ZFYVE9: variants seen among roughly 807,000 people sequenced by gnomAD.
The protein encoded by ZFYVE9 is zinc finger FYVE domain-containing protein 9.
In ZFYVE9, 43 loss-of-function variants were observed where a neutral mutation model predicts 126.7. The observed-to-expected ratio is 0.34, with a 90% confidence interval of 0.27 to 0.44. ZFYVE9 has a LOEUF of 0.44. Ranked by LOEUF, ZFYVE9 falls within the 20% of genes least tolerant of loss-of-function variation. ZFYVE9 has a pLI of 1.00. For missense variants in ZFYVE9, 1,476 were observed against 1,697.0 expected (o/e 0.87, Z 2.29); for synonymous variants, 521 against 597.4 (o/e 0.87, Z 1.87).
intron 6 of ZFYVE9, 30 bp downstream of exon 6, chr1:52,266,861 T>G (rs1201825496): frequency 6.6e-7 from 1 of 1,522,792 alleles, no homozygotes; most frequent in Non-Finnish European, 8.8e-7. Context: ...TCTCTCTCTT[T>G]TTCCTCACGA....
At chr1:52,153,301 A>G (rs555032702) in intron 1 of ZFYVE9, among the ~76,000 whole-genome samples, 2 of 152,354 alleles carry the variant, frequency 1.3e-5, no homozygotes, top group South Asian at 4.1e-4. Context: ...AAATGTAGAA[A>G]GAGATTAGTG....
At chr1:52,255,950 TTTCTTTTC>T (rs1645508528) in intron 4 of ZFYVE9, among the ~76,000 whole-genome samples, 1 of 118,070 alleles carries the variant, frequency 8.5e-6, no homozygotes, top group Non-Finnish European at 1.6e-5. Flanking sequence ...TTTCTTTTCT[TTTCTTTTC>T]TTTTCTTTTC....
intron 1 of ZFYVE9, among the ~76,000 whole-genome samples, chr1:52,146,027 CCACA>C (rs1168051378): frequency 6.2e-5 from 9 of 146,176 alleles, no homozygotes; most frequent in South Asian, 2.2e-4. Flanking sequence ...TCAAAAATAT[CCACA>C]CACACACACA....
intron 14 of ZFYVE9, among the ~76,000 whole-genome samples, chr1:52,333,157 G>T (rs1386167021): frequency 2.6e-5 from 4 of 152,022 alleles, no homozygotes; most frequent in Non-Finnish European, 5.9e-5. Flanking sequence ...AGGAGGGAGG[G>T]ATAGCATTAG....
chr1:52,256,009 CTTCT>C (rs1478140787), intron 4 of ZFYVE9, among the ~76,000 whole-genome samples: 1 of 125,028 alleles, frequency 8.0e-6, no homozygotes, highest in African/African-American at 3.1e-5. Context: ...TCCTTCCTTC[CTTCT>C]TTCCTTTCTT....
chr1:52,181,845 T>G (rs519299), intron 1 of ZFYVE9, among the ~76,000 whole-genome samples: 145,878 of 151,006 alleles, frequency 0.97, 70,475 homozygotes, highest in East Asian at 1. Flanking sequence ...CCCTCCGCCC[T>G]GCAGCCGCCC....
At chr1:52,234,123 A>G (rs1392436948) in intron 3 of ZFYVE9, among the ~76,000 whole-genome samples, 1 of 152,158 alleles carries the variant, frequency 6.6e-6, no homozygotes, top group Non-Finnish European at 1.5e-5. Flanking sequence ...CTAAATTTCC[A>G]TCTTGGTTTA....
At chr1:52,206,988 T>A (rs1257146835) in intron 1 of ZFYVE9, among the ~76,000 whole-genome samples, 2 of 152,268 alleles carry the variant, frequency 1.3e-5, no homozygotes, top group Non-Finnish European at 2.9e-5. Flanking sequence ...TATGTAGGCA[T>A]GTATTTATAT....
chr1:52,242,564 G>A (rs1208898565), intron 4 of ZFYVE9, among the ~76,000 whole-genome samples: 1 of 151,326 alleles, frequency 6.6e-6, no homozygotes, highest in African/African-American at 2.4e-5. Context: ...TAAATCCAGT[G>A]CCTTCAATCT....
chr1:52,206,964 G>T (rs1644984278), intron 1 of ZFYVE9, among the ~76,000 whole-genome samples: 1 of 152,206 alleles, frequency 6.6e-6, no homozygotes, highest in Admixed American at 6.5e-5. Flanking sequence ...CACACAGAGA[G>T]AATTATATAT....
Position 52,344,952 on chromosome 1 carries a change from G to A in ZFYVE9, c.4116+8G>A, listed in dbSNP as rs185963645. 3.7e-6 allele frequency: 6 copies of A among 1,613,270 alleles called. No homozygotes were observed. In the African/African-American group the frequency reaches 5.3e-5, roughly 14 times the overall value. On this transcript the variant is annotated splice_region_variant and intron_variant, in intron 18 of 18. Transcript: ENST00000287727. ...ACACTTGACTCAGATCAGGTATGATGTGTCTTCCGCAGCTTTTAAAGCTGG... is the reference window on the plus strand; with the variant it reads ...ACACTTGACTCAGATCAGGTATGATATGTCTTCCGCAGCTTTTAAAGCTGG...
chr1:52,299,861 G>C (rs564465158), intron 12 of ZFYVE9, among the ~76,000 whole-genome samples: 1 of 152,360 alleles, frequency 6.6e-6, no homozygotes, highest in Non-Finnish European at 1.5e-5. Context: ...GACTGGGAAT[G>C]AGGGCTGTAT....
chr1:52,316,088 C>A (rs931663448), intron 13 of ZFYVE9, among the ~76,000 whole-genome samples: 1 of 130,486 alleles, frequency 7.7e-6, no homozygotes, highest in African/African-American at 2.8e-5. Context: ...TCACCTGAAC[C>A]CAGAAGGCAG....
At chr1:52,221,216 T>C (rs770502564) in intron 2 of ZFYVE9, among the ~76,000 whole-genome samples, 3 of 152,194 alleles carry the variant, frequency 2.0e-5, no homozygotes, top group Non-Finnish European at 4.4e-5. Context: ...TCTGTGAGGA[T>C]TTCCCCATCA....
intron 2 of ZFYVE9, among the ~76,000 whole-genome samples, chr1:52,227,628 A>G (rs2124613682): frequency 6.6e-6 from 1 of 152,382 alleles, no homozygotes; most frequent in African/African-American, 2.4e-5. Context: ...AAACACTGTT[A>G]AAACTCATAG....
rs1195281950 is a variant in ZFYVE9, at chr1:52,238,547, A to T, written c.1130A>T (p.His377Leu). The part of the protein sequence containing the change: ...VRADENEGYE[H>L]EETLGTTEFL... ...GCTGATGAAAATGAAGGTTATGAACATGAAGAAACTCTTGGCACTACAGAA... is the reference window on the plus strand; with the variant it reads ...GCTGATGAAAATGAAGGTTATGAACTTGAAGAAACTCTTGGCACTACAGAA... Residue 377 changes from histidine (H) to leucine (L), a missense_variant, in exon 4 of 19, where the codon CAT (histidine) becomes CTT (leucine). His to Leu is a moderately conservative substitution (Grantham distance 99). Coordinates refer to ENST00000287727, the MANE Select transcript of ZFYVE9 (RefSeq NM_004799.4). The T allele has an allele frequency of 8.1e-6, 13 of 1,614,120 alleles. No homozygotes were observed. Among genetic ancestry groups the T allele is most frequent in the Non-Finnish European group, 1.0e-5 (12 of 1,179,958 alleles).
At chr1:52,191,528 A>C (rs1040077493) in intron 1 of ZFYVE9, among the ~76,000 whole-genome samples, 43 of 152,370 alleles carry the variant, frequency 2.8e-4, no homozygotes, top group African/African-American at 1.0e-3. Context: ...ATATATTTGT[A>C]GAATTCTTTA....
chr1:52,322,382 T>C lies in ZFYVE9; in HGVS notation c.3439-10386T>C, dbSNP rs183066648. 3.0e-3 allele frequency among the ~76,000 whole-genome samples: 399 copies of C among 135,100 alleles called. 3 individuals carry two copies. Among genetic ancestry groups the C allele is most frequent in the South Asian group, 4.2e-3 (19 of 4,564 alleles). The allele number at this position is 135,100 out of a possible 152,430, so 88.6% of individuals were successfully genotyped here. A position where few individuals can be genotyped will look rare whatever the true frequency, so the allele number is the denominator to read the frequency against. On this transcript the variant is annotated intron_variant, in intron 13 of 18. Coordinates refer to ENST00000287727, the MANE Select transcript of ZFYVE9 (RefSeq NM_004799.4). ...AGCAGCCTAAGTGGTCTTTTCTTTT[T>C]TTTTTTTTTTTTTTTGAGACAGAGT...
chr1:52,275,331 A>G (rs1645734869), intron 8 of ZFYVE9, among the ~76,000 whole-genome samples: 1 of 152,154 alleles, frequency 6.6e-6, no homozygotes, highest in African/African-American at 2.4e-5. Context: ...GTTATTGTGA[A>G]TAGTGCTGCG....
Sources: gnomAD v4.1 joint callset for allele counts (sites outside exome capture counted in the v4.1 genomes callset) on GRCh38, gnomAD v4.1.1 for gene constraint, MANE v1.5 for transcripts, NCBI Gene and HGNC (gene_info 2026-07-23, HGNC 2026-07-21) for gene names.